Variants in TAFA5 observed in about 807,000 individuals in gnomAD.
TAFA5 encodes chemokine-like protein TAFA-5.
Under a neutral mutation model 15.3 loss-of-function variants are expected in TAFA5, and 6 were observed. The observed-to-expected ratio is 0.39, with a 90% confidence interval of 0.21 to 0.77. TAFA5 has a LOEUF of 0.77. TAFA5 is among the 30% of genes least tolerant of loss of function. The pLI is 0.41. For synonymous variants in TAFA5, 103 were observed against 80.7 expected (o/e 1.28, Z -1.48); for missense variants, 161 against 193.1 (o/e 0.83, Z 0.98).
chr22:48,594,318 G>A (rs942475441), intron 1 of TAFA5, among the ~76,000 whole-genome samples: 1 of 152,192 alleles, frequency 6.6e-6, no homozygotes, highest in Non-Finnish European at 1.5e-5. Context: ...AGAAATGGGG[G>A]GACCAGTGGG....
chr22:48,594,851 T>C (rs982410624), intron 1 of TAFA5, among the ~76,000 whole-genome samples: 1 of 150,840 alleles, frequency 6.6e-6, no homozygotes, highest in African/African-American at 2.4e-5. Flanking sequence ...CAAGTGCAGC[T>C]GGAGCTGAAT....
At chr22:48,523,396 G>A (rs1360074728) in intron 1 of TAFA5, among the ~76,000 whole-genome samples, 4 of 152,268 alleles carry the variant, frequency 2.6e-5, no homozygotes, top group South Asian at 2.1e-4. Context: ...CTGTGTGGCC[G>A]GCTCGCGGCA....
intron 2 of TAFA5, among the ~76,000 whole-genome samples, chr22:48,677,017 G>A (rs1569075115): frequency 6.6e-6 from 1 of 152,206 alleles, no homozygotes; most frequent in East Asian, 1.9e-4. Context: ...CTCTCTCGTG[G>A]AGGACGCCCC....
At chr22:48,500,494 A>G (rs1920945941) in intron 1 of TAFA5, among the ~76,000 whole-genome samples, 1 of 152,334 alleles carries the variant, frequency 6.6e-6, no homozygotes, top group East Asian at 1.9e-4. Flanking sequence ...GTCCCTGAGC[A>G]CACAGTGCGT....
At chr22:48,582,912 A>G (rs570253822) in intron 1 of TAFA5, among the ~76,000 whole-genome samples, 1 of 145,158 alleles carries the variant, frequency 6.9e-6, no homozygotes, top group East Asian at 2.1e-4. Flanking sequence ...CACACACAAA[A>G]TACACCACAC....
At chr22:48,518,386 G>A (rs749498948) in intron 1 of TAFA5, among the ~76,000 whole-genome samples, 1 of 152,138 alleles carries the variant, frequency 6.6e-6, no homozygotes, top group African/African-American at 2.4e-5. Context: ...AGAGGTGCCC[G>A]TCCTCCCCAA....
chr22:48,492,149 C>T (rs963495491), intron 1 of TAFA5, among the ~76,000 whole-genome samples: 2 of 149,882 alleles, frequency 1.3e-5, no homozygotes, highest in African/African-American at 2.4e-5. Flanking sequence ...TTTTCAGAAC[C>T]GATAAAGCAA....
chr22:48,518,852 G>A (rs757043472), intron 1 of TAFA5, among the ~76,000 whole-genome samples: 2 of 152,216 alleles, frequency 1.3e-5, no homozygotes, highest in Non-Finnish European at 2.9e-5. Context: ...TGTGGAAAAG[G>A]AGAACGGTAC....
chr22:48,687,156 G>A (rs1490922780), intron 2 of TAFA5, among the ~76,000 whole-genome samples: 1 of 151,936 alleles, frequency 6.6e-6, no homozygotes, highest in African/African-American at 2.4e-5. Context: ...GGATGGATTG[G>A]TGGAGGGTGG....
intron 1 of TAFA5, among the ~76,000 whole-genome samples, chr22:48,619,270 C>T (rs932064701): frequency 5.9e-5 from 9 of 152,134 alleles, no homozygotes; most frequent in Admixed American, 1.3e-4. Flanking sequence ...TCTGTCCATG[C>T]GGGAAGGAGC....
intron 1 of TAFA5, among the ~76,000 whole-genome samples, chr22:48,561,335 G>T (rs1395430150): frequency 6.6e-6 from 1 of 152,148 alleles, no homozygotes; most frequent in East Asian, 1.9e-4. Flanking sequence ...TGTTTCTGGG[G>T]CCCCTTTGCA....
chr22:48,698,001 C>T (rs943815020), intron 2 of TAFA5, among the ~76,000 whole-genome samples: 1 of 147,154 alleles, frequency 6.8e-6, no homozygotes, highest in Admixed American at 6.8e-5. Flanking sequence ...GGATGGTGAG[C>T]ATGATGGTGC....
intron 1 of TAFA5, among the ~76,000 whole-genome samples, chr22:48,634,782 C>T (rs1389495405): frequency 6.8e-6 from 1 of 146,078 alleles, no homozygotes; most frequent in Non-Finnish European, 1.5e-5. Context: ...CTCATTTAGT[C>T]ACTCACTCAT....
chr22:48,534,192 T>G (rs1601560744), intron 1 of TAFA5, among the ~76,000 whole-genome samples: 1 of 147,362 alleles, frequency 6.8e-6, no homozygotes. Context: ...GTCAAGCAGG[T>G]GGGGAGGCAG....
At chr22:48,666,877 T>C (rs888119080) in intron 2 of TAFA5, among the ~76,000 whole-genome samples, 6 of 152,158 alleles carry the variant, frequency 3.9e-5, no homozygotes, top group Non-Finnish European at 8.8e-5. Flanking sequence ...GGTGGCCGAC[T>C]GTCTCAGCCT....
rs189508609 is a variant in TAFA5, at chr22:48,504,407, G to T, written c.112+14703G>T. 5.9e-5 allele frequency among the ~76,000 whole-genome samples: 9 copies of T among 152,348 alleles called. No individual in the cohort carries two copies. The East Asian group carries it at 1.7e-3, about 29-fold the overall frequency. ...AGACTTCCGGGGGCTGGGCAGGGGG[G>T]CAGCTGGTCTTGGAGAGGGAGTCCT... On this transcript the variant is annotated intron_variant, in intron 1 of 3. Transcript: ENST00000402357.
At chr22:48,511,559 C>T (rs897362055) in intron 1 of TAFA5, among the ~76,000 whole-genome samples, 3 of 152,216 alleles carry the variant, frequency 2.0e-5, no homozygotes, top group African/African-American at 7.2e-5. Flanking sequence ...ACAAGAGGCC[C>T]TCGCCCAGGT....
At chr22:48,697,689 G>C (rs938881535) in intron 2 of TAFA5, among the ~76,000 whole-genome samples, 5 of 151,666 alleles carry the variant, frequency 3.3e-5, no homozygotes, top group African/African-American at 1.2e-4. Context: ...ATGTGATGGT[G>C]ATGATTACAA....
At chr22:48,632,088 T>C (rs958465496) in intron 1 of TAFA5, among the ~76,000 whole-genome samples, 2 of 152,224 alleles carry the variant, frequency 1.3e-5, no homozygotes, top group African/African-American at 4.8e-5. Flanking sequence ...AGGCCGGACG[T>C]GGTCTTCCTA....
Sources: gnomAD v4.1 joint callset for allele counts (sites outside exome capture counted in the v4.1 genomes callset) on GRCh38, gnomAD v4.1.1 for gene constraint, MANE v1.5 for transcripts, NCBI Gene and HGNC (gene_info 2026-07-23, HGNC 2026-07-21) for gene names.